Variants in SYNC observed in about 807,000 individuals in gnomAD.
SYNC encodes syncoilin, intermediate filament protein, also known as syncoilin.
SYNC carries 38 observed loss-of-function variants against 49.5 expected under a neutral mutation model. The observed-to-expected ratio is 0.77, with a 90% CI of 0.59 to 1.01. The LOEUF is 1.01. Ranked by LOEUF, SYNC falls within the 50% of genes least tolerant of loss-of-function variation. SYNC has a pLI of 0.00. For synonymous variants in SYNC, 201 were observed against 230.8 expected, an observed-to-expected ratio of 0.87 and a Z score of 1.17; for missense variants, 579 against 580.6, an observed-to-expected ratio of 1.00 and a Z score of 0.03.
At chr1:32,691,234 C>A (rs1371087308) in intron 2 of SYNC, among the ~76,000 whole-genome samples, 15 of 138,494 alleles carry the variant, frequency 1.1e-4, no homozygotes, top group African/African-American at 3.5e-4. Flanking sequence ...CAAAAAAAAA[C>A]AACAAAAAAA....
Position 32,695,259 on chromosome 1 carries a change from C to G in SYNC, c.839G>C (p.Arg280Thr). ...FADFREVLTT[R>T]ATQLSEELAQ... Reference sequence around the variant, plus strand: ...CAGTTCCTCTGAGAGCTGGGTTGCCCTTGTAGTCAGCACTTCCCGGAAATC... The same window carrying G: ...CAGTTCCTCTGAGAGCTGGGTTGCCGTTGTAGTCAGCACTTCCCGGAAATC... The change falls in exon 2 of 5, where the codon AGG (arginine) becomes ACG (threonine). Residue 280 changes from arginine (R) to threonine (T), a missense_variant. Physicochemically the swap from Arg to Thr is moderately conservative, Grantham distance 71. Coordinates refer to ENST00000409190, the MANE Select transcript of SYNC (RefSeq NM_030786.3). 6.4e-7 allele frequency: 1 copy of G among 1,551,914 alleles called. No homozygotes were observed. The highest frequency in any genetic ancestry group is 8.7e-7 in the Non-Finnish European group (1 of 1,147,130).
intron 1 of SYNC, among the ~76,000 whole-genome samples, chr1:32,698,412 G>A (rs527448027): frequency 7.2e-5 from 11 of 152,012 alleles, no homozygotes; most frequent in African/African-American, 2.7e-4. Context: ...CCAGCTACTC[G>A]GGAGGCTGAG....
chr1:32,682,325 G>GC (rs1201115504), intron 4 of SYNC: 2 of 156,016 alleles, frequency 1.3e-5, no homozygotes, highest in Non-Finnish European at 2.8e-5. Context: ...GCAGGCTGAG[G>GC]CAGGAGTATT....
chr1:32,681,548 G>T lies in SYNC; in HGVS notation c.*302C>A, dbSNP rs1649436313. ...TGTCCATACATTCATCCTTCACTCAGTGCATATGTGAGGGTTGTTGCTGGA... is the reference window on the plus strand; with the variant it reads ...TGTCCATACATTCATCCTTCACTCATTGCATATGTGAGGGTTGTTGCTGGA... On this transcript the variant is annotated 3_prime_UTR_variant, in exon 5 of 5. Coordinates refer to ENST00000409190, the MANE Select transcript of SYNC (RefSeq NM_030786.3). 4.6e-5 allele frequency: 24 copies of T among 526,504 alleles called. 2 individuals are homozygous for T. The South Asian group carries it at 5.5e-4, about 12-fold the overall frequency. 32.6% of individuals were successfully genotyped at this position (526,504 alleles called of 1,614,324 possible). A position where few individuals can be genotyped will look rare whatever the true frequency, so the allele number is the denominator to read the frequency against.
Position 32,684,015 on chromosome 1 carries a change from G to A in SYNC, c.1433C>T (p.Ser478Phe). ...CTTCTCTTCACAAAGATCACCTTGA[G>A]ACTGTGTCTCCATTCCACCTGCCTG... is the stretch of plus-strand genomic sequence containing the variant. ...TSQAGGMETQ[S>F]QGAV Residue 478 changes from serine (S) to phenylalanine (F), a missense_variant, in exon 4 of 5, where the codon TCT becomes TTT. Transcript: ENST00000409190. 2.5e-6 allele frequency: 4 copies of A among 1,614,008 alleles called. No individual in the cohort carries two copies. The highest frequency in any genetic ancestry group is 1.3e-5 in the African/African-American group (1 of 75,050).
At chr1:32,702,831 G>A, upstream of SYNC, 3 of 392,442 alleles carry the variant, frequency 7.6e-6, no homozygotes, top group Non-Finnish European at 1.1e-5. The surrounding 1 kb of genome is among the most constrained non-coding windows in gnomAD (Gnocchi z 6.2). Flanking sequence ...AGGAGGGAGC[G>A]GCCGCGCGGA....
Position 32,702,696 on chromosome 1 carries a change from A to G in SYNC, c.-36T>C. On this transcript the variant is annotated 5_prime_UTR_variant, in exon 1 of 5. Transcript: ENST00000409190. This position sits in a 1 kb window ranked among gnomAD's most constrained non-coding sequence, Gnocchi z 6.2. ...CCCCGGGCTGGCGGCCGCGTTATTA[A>G]TAGCCGGGCCCGCGGGCCCCTCGCT... 1 of 1,147,686 alleles carries G rather than the reference A, an allele frequency of 8.7e-7. No homozygotes were observed. Among genetic ancestry groups the G allele is most frequent in the South Asian group, 4.3e-5 (1 of 23,520 alleles). 71.1% of individuals were successfully genotyped at this position (1,147,686 alleles called of 1,614,324 possible).
intron 2 of SYNC, among the ~76,000 whole-genome samples, chr1:32,687,863 T>TATTATTATTATTTTATTA (rs1557871715): frequency 6.7e-6 from 1 of 148,154 alleles, no homozygotes; most frequent in Non-Finnish European, 1.5e-5. Flanking sequence ...TTATTATTAT[T>TATTATTATTATTTTATTA]TTTTGAGATG....
In SYNC at chr1:32,684,017, CTG is replaced by C. The variant is rs751692785; in HGVS notation, c.1429_1430del (p.Gln477ValfsTer27). The part of the protein sequence containing the change: ...PTSQAGGMET[Q>X]SQGAV ...TCTCTTCACAAAGATCACCTTGAGA[CTG>C]TGTCTCCATTCCACCTGCCTGAGAA... On this transcript the variant is annotated frameshift_variant, in exon 4 of 5. Transcript: ENST00000409190. LOFTEE classifies it high-confidence loss of function. 1.9e-6 allele frequency: 3 copies of C among 1,613,982 alleles called. No homozygotes were observed. The highest frequency in any genetic ancestry group is 1.7e-5 in the Admixed American group (1 of 60,004).
In SYNC at chr1:32,702,693, T is replaced by A. The variant is rs570401056; in HGVS notation, c.-33A>T. 2.9e-3 allele frequency: 3,389 copies of A among 1,154,774 alleles called. 17 individuals carry two copies. The highest frequency in any genetic ancestry group is 0.025 in the Middle Eastern group (70 of 2,794). The allele number at this position is 1,154,774 out of a possible 1,614,324, so 71.5% of individuals were successfully genotyped here. A position where few individuals can be genotyped will look rare whatever the true frequency, so the allele number is the denominator to read the frequency against. ...CGACCCCGGGCTGGCGGCCGCGTTA[T>A]TAATAGCCGGGCCCGCGGGCCCCTC... is the stretch of plus-strand genomic sequence containing the variant. On this transcript the variant is annotated 5_prime_UTR_variant, in exon 1 of 5. Coordinates refer to ENST00000409190, the MANE Select transcript of SYNC (RefSeq NM_030786.3). This position sits in a 1 kb window ranked among gnomAD's most constrained non-coding sequence, Gnocchi z 6.2.
Position 32,695,823 on chromosome 1 carries a change from T to TCTGGCTG in SYNC, c.268_274dup (p.Asp92AlafsTer4), listed in dbSNP as rs1650404884. The TCTGGCTG allele has an allele frequency of 6.4e-7, 1 of 1,551,748 alleles. No homozygotes were observed. The highest frequency in any genetic ancestry group is 8.7e-7 in the Non-Finnish European group (1 of 1,147,028). ...AGGCTCCTCCACATGCAGAGCCTCA[T>TCTGGCTG]CTGGCTGCATGGCCTCCTCAATATA... On this transcript the variant is annotated frameshift_variant, in exon 2 of 5. Coordinates refer to ENST00000409190, the MANE Select transcript of SYNC (RefSeq NM_030786.3). LOFTEE classifies it high-confidence loss of function.
chr1:32,688,368 G>A (rs1649994558), intron 2 of SYNC, among the ~76,000 whole-genome samples: 1 of 152,132 alleles, frequency 6.6e-6, no homozygotes, highest in Non-Finnish European at 1.5e-5. Context: ...GTACATACTA[G>A]CTATTGTTGA....
intron 2 of SYNC, among the ~76,000 whole-genome samples, chr1:32,687,513 A>T (rs1470661382): frequency 5.3e-5 from 8 of 151,818 alleles, no homozygotes; most frequent in Admixed American, 5.3e-4. Context: ...TCTACTAAAA[A>T]TACAAAAATT....
intron 1 of SYNC, among the ~76,000 whole-genome samples, chr1:32,699,153 CTTT>C (rs61577689): frequency 9.6e-6 from 1 of 104,044 alleles, no homozygotes; most frequent in Non-Finnish European, 1.8e-5. Flanking sequence ...CTTTTCTTTT[CTTT>C]TTTTTTTTTT....
At chr1:32,692,470 T>C (rs1223186251) in intron 2 of SYNC, among the ~76,000 whole-genome samples, 1 of 152,164 alleles carries the variant, frequency 6.6e-6, no homozygotes, top group East Asian at 1.9e-4. Flanking sequence ...GTATTACTTC[T>C]GGGTGTGGTG....
rs558897805 is a variant in SYNC, at chr1:32,695,229, T to C, written c.869A>G (p.Gln290Arg). The C allele has an allele frequency of 1.3e-6, 2 of 1,552,958 alleles. No individual in the cohort carries two copies. Among genetic ancestry groups the C allele is most frequent in the Non-Finnish European group, 1.7e-6 (2 of 1,147,584 alleles). ...RATQLSEELAQLRDAYQKQKE... is the reference protein window; with the variant it reads ...RATQLSEELARLRDAYQKQKE... ...CTGCTTCTGATAGGCATCCCGGAGC[T>C]GGGCCAGTTCCTCTGAGAGCTGGGT... Residue 290 changes from glutamine (Q) to arginine (R), a missense_variant, in exon 2 of 5, where the codon CAG becomes CGG. Gln to Arg is a conservative substitution (Grantham distance 43). Coordinates refer to ENST00000409190, the MANE Select transcript of SYNC (RefSeq NM_030786.3).
At chr1:32,686,773 GT>G (rs1649860378) in intron 2 of SYNC, among the ~76,000 whole-genome samples, 1 of 150,014 alleles carries the variant, frequency 6.7e-6, no homozygotes, top group East Asian at 2.0e-4. Flanking sequence ...TCATGTGAGG[GT>G]GCTGAGCCAC....
intron 2 of SYNC, among the ~76,000 whole-genome samples, chr1:32,687,833 A>AATAATTATTATTATTATTATT (rs1553199360): frequency 1.8e-4 from 7 of 38,214 alleles, no homozygotes; most frequent in East Asian, 6.7e-4. Flanking sequence ...CTGCCCAGTG[A>AATAATTATTATTATTATTATT]ATTATTATTA....
intron 1 of SYNC, among the ~76,000 whole-genome samples, chr1:32,701,017 GC>G (rs1650645839): frequency 6.6e-6 from 1 of 151,978 alleles, no homozygotes; most frequent in Non-Finnish European, 1.5e-5. Flanking sequence ...CTGGGTTCAA[GC>G]AAGTCTCCTG....
Sources: allele counts gnomAD v4.1 joint callset (sites outside exome capture counted in the v4.1 genomes callset), GRCh38; gene constraint gnomAD v4.1.1; non-coding constraint Gnocchi (gnomAD v3.1); transcripts MANE v1.5; gene names NCBI Gene and HGNC (gene_info 2026-07-23, HGNC 2026-07-21).